The following MAGI2 variants were observed in gnomAD, a reference collection of about 807,000 sequenced individuals.
The protein encoded by MAGI2 is membrane associated guanylate kinase, WW and PDZ domain containing 2, also known as membrane-associated guanylate kinase, WW and PDZ domain-containing protein 2.
Under a neutral mutation model 133.3 loss-of-function variants are expected in MAGI2, and 35 were observed. That is an observed-to-expected ratio of 0.26 (90% CI 0.20 to 0.35). The LOEUF is 0.35. Ranked by LOEUF, MAGI2 falls within the 10% of genes least tolerant of loss-of-function variation. MAGI2 has a pLI of 1.00. For missense variants in MAGI2, 1,636 were observed against 1,863.4 expected (o/e 0.88, Z 2.25); for synonymous variants, 729 against 710.6 (o/e 1.03, Z -0.41).
At chr7:79,125,462 G>C in intron 1 of MAGI2, 1 of 505,264 alleles carries the variant, frequency 2.0e-6, no homozygotes, top group Non-Finnish European at 4.0e-6. Context: ...AGTTATGTTG[G>C]AGGCAGTCCT....
In MAGI2 at chr7:78,890,191, T is replaced by C. The variant is rs550602555; in HGVS notation, c.418+116899A>G. On this transcript the variant is annotated intron_variant, in intron 2 of 21. Coordinates refer to ENST00000354212, the MANE Select transcript of MAGI2 (RefSeq NM_012301.4). ...AGAAGAGCTAACTATCCTAAATATA[T>C]TGGCACCCAGTACAGGAGCACCCAG... 3.3e-5 allele frequency among the ~76,000 whole-genome samples: 5 copies of C among 151,966 alleles called. No homozygotes were observed. In the East Asian group the frequency reaches 5.8e-4, roughly 18 times the overall value.
intron 2 of MAGI2, among the ~76,000 whole-genome samples, chr7:78,751,301 C>T (rs746951625): frequency 3.3e-5 from 5 of 152,192 alleles, no homozygotes; most frequent in Non-Finnish European, 5.9e-5. Context: ...CAGATCAATA[C>T]ACATATTGTA....
intron 10 of MAGI2, among the ~76,000 whole-genome samples, chr7:78,220,248 A>G (rs1788676630): frequency 1.3e-5 from 2 of 152,068 alleles, no homozygotes; most frequent in African/African-American, 4.8e-5. Flanking sequence ...GCACGAAGTT[A>G]CCTCTTTATA....
At chr7:78,049,067 C>A (rs1811735439) in intron 21 of MAGI2, among the ~76,000 whole-genome samples, 1 of 149,866 alleles carries the variant, frequency 6.7e-6, no homozygotes, top group South Asian at 2.1e-4. Context: ...GAGATTGCAC[C>A]ACTGCACTCC....
At chr7:78,332,521 A>G (rs1172366379) in intron 9 of MAGI2, among the ~76,000 whole-genome samples, 4 of 151,940 alleles carry the variant, frequency 2.6e-5, no homozygotes. Context: ...AAATGGTGAA[A>G]TCCCATCTCT....
chr7:78,979,745 C>A lies in MAGI2; in HGVS notation c.418+27345G>T, dbSNP rs192042201. 2.0e-5 allele frequency among the ~76,000 whole-genome samples: 3 copies of A among 151,882 alleles called. No individual in the cohort carries two copies. In the East Asian group the frequency reaches 5.9e-4, roughly 30 times the overall value. ...GTTTGGCCATCCCATAATCCTAGAG[C>A]AGGAATCCCTCCTTTACCAAAGGGT... On this transcript the variant is annotated intron_variant, in intron 2 of 21. Transcript: ENST00000354212.
intron 3 of MAGI2, among the ~76,000 whole-genome samples, chr7:78,553,536 T>C (rs1439575506): frequency 6.6e-6 from 1 of 152,212 alleles, no homozygotes; most frequent in Admixed American, 6.5e-5. Context: ...ACCTGCTTTC[T>C]TCAAACTTCA....
chr7:78,760,784 T>C (rs1824431987), intron 2 of MAGI2, among the ~76,000 whole-genome samples: 1 of 152,202 alleles, frequency 6.6e-6, no homozygotes. Context: ...GCTTGTCCTC[T>C]TGAACTCAGC....
intron 2 of MAGI2, among the ~76,000 whole-genome samples, chr7:78,797,354 C>G (rs1406122822): frequency 6.6e-6 from 1 of 151,932 alleles, no homozygotes; most frequent in Non-Finnish European, 1.5e-5. Context: ...CTTAATTATT[C>G]TTTTTTCTTT....
chr7:79,073,786 CTCTTT>C (rs1403204003), intron 1 of MAGI2, among the ~76,000 whole-genome samples: 4 of 151,370 alleles, frequency 2.6e-5, no homozygotes, highest in Non-Finnish European at 5.9e-5. Flanking sequence ...CCTCTCTTTT[CTCTTT>C]TCTTTTCTAA....
chr7:79,043,071 A>C (rs1474973058), intron 1 of MAGI2, among the ~76,000 whole-genome samples: 4 of 152,134 alleles, frequency 2.6e-5, no homozygotes, highest in Non-Finnish European at 5.9e-5. Flanking sequence ...TCTCTGGGAC[A>C]CAGCTAAAAC....
intron 2 of MAGI2, among the ~76,000 whole-genome samples, chr7:78,649,236 G>GAAAAAAAAAAAGA (rs3085451): frequency 1.2e-4 from 11 of 88,162 alleles, no homozygotes; most frequent in African/African-American, 5.2e-4. Flanking sequence ...AAAAAAAAAA[G>GAAAAAAAAAAAGA]AAAAAAAAAG....
At chr7:79,183,115 T>C (rs551280371) in intron 1 of MAGI2, among the ~76,000 whole-genome samples, 2 of 151,902 alleles carry the variant, frequency 1.3e-5, no homozygotes, top group African/African-American at 2.4e-5. Flanking sequence ...ATAGAAGAAA[T>C]AAGTTCTAAT....
intron 3 of MAGI2, among the ~76,000 whole-genome samples, chr7:78,529,246 T>C (rs1221515210): frequency 2.0e-5 from 3 of 152,228 alleles, no homozygotes; most frequent in African/African-American, 7.2e-5. Flanking sequence ...TCAGCTAATG[T>C]AGACAGGCAC....
chr7:79,423,257 T>C (rs944130965), intron 1 of MAGI2, among the ~76,000 whole-genome samples: 6 of 152,080 alleles, frequency 3.9e-5, no homozygotes, highest in Non-Finnish European at 8.8e-5. Context: ...AAACAGATTA[T>C]CATTTTAATC....
At chr7:78,715,294 G>A (rs909038236) in intron 2 of MAGI2, among the ~76,000 whole-genome samples, 2 of 152,190 alleles carry the variant, frequency 1.3e-5, no homozygotes, top group African/African-American at 4.8e-5. Context: ...CTCCTGAACC[G>A]GTTTCAGAAT....
chr7:79,302,380 A>C (rs943326999), intron 1 of MAGI2, among the ~76,000 whole-genome samples: 1 of 152,226 alleles, frequency 6.6e-6, no homozygotes, highest in African/African-American at 2.4e-5. Context: ...CACAGCTAAC[A>C]TAGCAGCAGA....
intron 1 of MAGI2, among the ~76,000 whole-genome samples, chr7:79,058,762 C>T (rs1479159446): frequency 6.6e-6 from 1 of 152,002 alleles, no homozygotes; most frequent in Admixed American, 6.6e-5. Flanking sequence ...ACGCAAAACA[C>T]TTACACCTGA....
intron 3 of MAGI2, chr7:78,619,094 G>C (rs1211610423): frequency 1.4e-5 from 2 of 145,550 alleles, no homozygotes; most frequent in South Asian, 2.3e-4. Context: ...ATGTTAATTA[G>C]TTTGACTAGG....
Sources: allele counts gnomAD v4.1 joint callset (sites outside exome capture counted in the v4.1 genomes callset), GRCh38; gene constraint gnomAD v4.1.1; transcripts MANE v1.5; gene names NCBI Gene and HGNC (gene_info 2026-07-23, HGNC 2026-07-21).